Variants in ZC3H4 observed in about 807,000 individuals in gnomAD.
ZC3H4 encodes zinc finger CCCH domain-containing protein 4.
A neutral mutation model predicts 108.3 loss-of-function variants in ZC3H4; 13 were observed. That is an observed-to-expected ratio of 0.12 (90% CI 0.08 to 0.19). ZC3H4 has a LOEUF of 0.19. ZC3H4 is among the 10% of genes least tolerant of loss of function. The pLI is 1.00. For synonymous variants in ZC3H4, 917 were observed against 749.6 expected (o/e 1.22, Z -3.65); for missense variants, 1,734 against 1,838.8 (o/e 0.94, Z 1.04).
chr19:47,093,977 T>C lies in ZC3H4; in HGVS notation c.485A>G (p.Tyr162Cys). The part of the protein sequence containing the change: ...HRKYREYSPP[Y>C]APSHQQYPPS... ...TGCATGCCAGTCACTCACCGGCGCATATGGGGGGCTGTACTCTCTGTACTT... is the reference window on the plus strand; with the variant it reads ...TGCATGCCAGTCACTCACCGGCGCACATGGGGGGCTGTACTCTCTGTACTT... The change falls in exon 4 of 15, where the codon TAT (tyrosine) becomes TGT (cysteine). Residue 162 changes from tyrosine (Y) to cysteine (C), a missense_variant. Tyr to Cys is a radical substitution (Grantham distance 194, BLOSUM62 -2). This residue lies in a region of ZC3H4 where 403 missense variants were observed against 457.0 expected (regional missense o/e 0.88). Coordinates refer to ENST00000253048, the MANE Select transcript of ZC3H4 (RefSeq NM_015168.2). 1 of 1,612,636 alleles carries C rather than the reference T, an allele frequency of 6.2e-7. No individual in the cohort carries two copies. The highest frequency in any genetic ancestry group is 8.5e-7 in the Non-Finnish European group (1 of 1,178,848).
intron 2 of ZC3H4, among the ~76,000 whole-genome samples, chr19:47,110,216 TG>T (rs933400571): frequency 3.3e-5 from 5 of 149,440 alleles, no homozygotes; most frequent in Non-Finnish European, 7.4e-5. Flanking sequence ...TTTTGGGGAG[TG>T]GGGGGGAGGG....
intron 2 of ZC3H4, among the ~76,000 whole-genome samples, chr19:47,099,639 G>A (rs2057875183): frequency 6.6e-6 from 1 of 151,886 alleles, no homozygotes; most frequent in South Asian, 2.1e-4. Context: ...AATCTAGGCA[G>A]TACCAGAAGC....
chr19:47,077,717 C>T (rs1423709716), intron 11 of ZC3H4, among the ~76,000 whole-genome samples: 2 of 151,308 alleles, frequency 1.3e-5, no homozygotes, highest in African/African-American at 4.9e-5. Context: ...ATGAGCCGGG[C>T]GTGATGGCAC....
In ZC3H4 at chr19:47,094,547, T is replaced by C; in HGVS notation, c.223A>G (p.Thr75Ala). Residue 75 changes from threonine to alanine, a missense_variant, in exon 3 of 15, where the codon ACC (threonine) becomes GCC (alanine). Around this residue, in one of 9 missense-constraint regions of ZC3H4, gnomAD observed 403 missense variants for 457.0 expected, o/e 0.88. Transcript: ENST00000253048. Reference sequence around the variant, plus strand: ...CGGCTTCTCTCAGGCCCTCCGGAGGTATCCTGGGTCTCCTCTGCCCCATCA... The same window carrying C: ...CGGCTTCTCTCAGGCCCTCCGGAGGCATCCTGGGTCTCCTCTGCCCCATCA... ...EDDGAEETQDTSGGPERSRKE... is the reference protein window; with the variant it reads ...EDDGAEETQDASGGPERSRKE... 1 of 1,614,178 alleles carries C rather than the reference T, an allele frequency of 6.2e-7. No homozygotes were observed.
chr19:47,076,679 C>T (rs2057427234), intron 11 of ZC3H4, among the ~76,000 whole-genome samples: 1 of 151,966 alleles, frequency 6.6e-6, no homozygotes, highest in East Asian at 1.9e-4. Flanking sequence ...GATGGTGAAA[C>T]CTTATCTCTA....
chr19:47,099,421 T>C (rs2057871995), intron 2 of ZC3H4, among the ~76,000 whole-genome samples: 1 of 149,168 alleles, frequency 6.7e-6, no homozygotes, highest in African/African-American at 2.5e-5. Context: ...ATCACGCCAC[T>C]ACACTCCAGC....
rs760745997 is a variant in ZC3H4 at position 47,072,077 on chromosome 19, G to A, written c.1847C>T (p.Pro616Leu). ...GGPPGPMGPG[P>L]NMGPPGPMGG... ...CATTGGCCCTGGGGGTCCCATGTTG[G>A]GCCCAGGGCCCATTGGCCCTGGGGG... The change falls in exon 13 of 15, where the codon CCC becomes CTC. Residue 616 changes from proline (P) to leucine (L), a missense_variant. Transcript: ENST00000253048. The surrounding 1 kb of genome is among the most constrained non-coding windows in gnomAD (Gnocchi z 5.6). 18 of 1,564,804 alleles carry A rather than the reference G, an allele frequency of 1.2e-5. No individual in the cohort carries two copies. Among genetic ancestry groups the A allele is most frequent in the Non-Finnish European group, 1.5e-5 (17 of 1,158,048 alleles).
rs2057345302 is a variant in ZC3H4, at chr19:47,072,348, T to A, written c.1802+4A>T. On this transcript the variant is annotated splice_donor_region_variant and intron_variant, in intron 12 of 14. Transcript: ENST00000253048. The surrounding 1 kb of genome is among the most constrained non-coding windows in gnomAD (Gnocchi z 5.6). ...TGCCTGTCACGGGGGTCCAGGGCAC[T>A]CACCTCACACCCAGCTTCTCAGCCA... 6.2e-7 allele frequency: 1 copy of A among 1,612,012 alleles called. No individual in the cohort carries two copies. The highest frequency in any genetic ancestry group is 1.7e-5 in the Admixed American group (1 of 59,824).
chr19:47,081,459 A>G, intron 11 of ZC3H4, 54 bp downstream of exon 11: 2 of 1,370,386 alleles, frequency 1.5e-6, no homozygotes, highest in Non-Finnish European at 2.1e-6. Flanking sequence ...GAGGCAATGG[A>G]GTGCGCATGT....
At chr19:47,089,502 G>C (rs2057693667) in intron 5 of ZC3H4, among the ~76,000 whole-genome samples, 1 of 152,178 alleles carries the variant, frequency 6.6e-6, no homozygotes, top group Admixed American at 6.6e-5. Context: ...GGCCAGTCAG[G>C]GCTACCGTGT....
Position 47,065,559 on chromosome 19 carries a change from G to C in ZC3H4, c.*797C>G, listed in dbSNP as rs1003865903. 1.3e-5 allele frequency: 2 copies of C among 152,738 alleles called. No individual in the cohort carries two copies. Among genetic ancestry groups the C allele is most frequent in the Non-Finnish European group, 2.9e-5 (2 of 68,164 alleles). 9.5% of individuals were successfully genotyped at this position (152,738 alleles called of 1,614,324 possible). A position where few individuals can be genotyped will look rare whatever the true frequency, so the allele number is the denominator to read the frequency against. On this transcript the variant is annotated 3_prime_UTR_variant, in exon 15 of 15. Transcript: ENST00000253048. ...AGGTGGGGTAATACTGACAGAACGT[G>C]CGTGCTCCTAGGGGCTGCCTCCTAG...
At position 47,067,585 on chromosome 19, in the gene ZC3H4, C is replaced by T. The variant is rs148102372; in HGVS notation, c.2683G>A (p.Ala895Thr). The T allele has an allele frequency of 3.4e-4, 540 of 1,602,884 alleles. 2 individuals carry two copies. The African/African-American group carries it at 5.4e-3, about 16-fold the overall frequency. The part of the protein sequence containing the change: ...SGPSDPRLAR[A>T]LPTSKPEGSL... ...CCTTCGGGCTTGGAGGTGGGCAGGG[C>T]GCGAGCCAGCCGAGGATCGGAGGGT... The change falls in exon 15 of 15, where the codon GCC (alanine) becomes ACC (threonine). Residue 895 changes from alanine to threonine, a missense_variant. By Grantham distance (58) the Ala-to-Thr change is moderately conservative (BLOSUM62 0). Around this residue, in one of 9 missense-constraint regions of ZC3H4, gnomAD observed 540 missense variants for 484.1 expected, o/e 1.12. Transcript: ENST00000253048. This position sits in a 1 kb window ranked among gnomAD's most constrained non-coding sequence, Gnocchi z 6.4.
chr19:47,080,468 C>A (rs551538225), intron 11 of ZC3H4, among the ~76,000 whole-genome samples: 68 of 152,152 alleles, frequency 4.5e-4, no homozygotes, highest in Non-Finnish European at 9.0e-4. Flanking sequence ...AAAATACAAT[C>A]CTTGCCTCGT....
intron 4 of ZC3H4, among the ~76,000 whole-genome samples, chr19:47,090,459 G>A (rs2057712072): frequency 1.3e-5 from 2 of 152,184 alleles, no homozygotes; most frequent in Admixed American, 1.3e-4. Flanking sequence ...ATGAACAAAG[G>A]GGAGAAGAAG....
At chr19:47,093,818 T>C (rs2057776676) in intron 4 of ZC3H4, 152 bp downstream of exon 4, 4 of 564,536 alleles carry the variant, frequency 7.1e-6, no homozygotes, top group South Asian at 6.7e-5. Context: ...AAGTTTCAGT[T>C]TCCTCACTCA....
chr19:47,074,467 T>C (rs2057382264), intron 11 of ZC3H4, among the ~76,000 whole-genome samples: 1 of 152,074 alleles, frequency 6.6e-6, no homozygotes. Context: ...GTCTCATCAG[T>C]TAGGATAGCG....
At position 47,065,413 on chromosome 19, in the gene ZC3H4, C is replaced by T. The variant is rs2057179997; in HGVS notation, c.*943G>A. 1 of 153,054 alleles carries T rather than the reference C, an allele frequency of 6.5e-6. No homozygotes were observed. Among genetic ancestry groups the T allele is most frequent in the South Asian group, 2.1e-4 (1 of 4,844 alleles). The allele number at this position is 153,054 out of a possible 1,614,324, so 9.5% of individuals were successfully genotyped here. A position where few individuals can be genotyped will look rare whatever the true frequency, so the allele number is the denominator to read the frequency against. ...CATTGTTGGGGCCTGGCGGCGCAGC[C>T]ACTGCACGGATCCTGGAGCTGTCCG... On this transcript the variant is annotated 3_prime_UTR_variant, in exon 15 of 15. Transcript: ENST00000253048.
At position 47,067,224 on chromosome 19, in the gene ZC3H4, G is replaced by A; in HGVS notation, c.3044C>T (p.Ala1015Val). ...GGCGTTGGGGGGCCCTGCCGTGGCA[G>A]CGCGGTGCAGCCGGGGGTCCAGGGT... ...MPTLDPRLHRAATAGPPNARQ... is the reference protein window; with the variant it reads ...MPTLDPRLHRVATAGPPNARQ... The change falls in exon 15 of 15, where the codon GCT (alanine) becomes GTT (valine). Residue 1015 changes from alanine to valine, a missense_variant. Ala to Val is a moderately conservative substitution (Grantham distance 64). Coordinates refer to ENST00000253048, the MANE Select transcript of ZC3H4 (RefSeq NM_015168.2). The surrounding 1 kb of genome is among the most constrained non-coding windows in gnomAD (Gnocchi z 6.4). 3 of 1,607,462 alleles carry A rather than the reference G, an allele frequency of 1.9e-6. No individual in the cohort carries two copies. Among genetic ancestry groups the A allele is most frequent in the Non-Finnish European group, 2.5e-6 (3 of 1,177,030 alleles).
chr19:47,085,020 T>C, intron 8 of ZC3H4, 36 bp downstream of exon 8: 1 of 1,611,520 alleles, frequency 6.2e-7, no homozygotes, highest in Non-Finnish European at 8.5e-7. Flanking sequence ...GAAGGGACCT[T>C]GGCCCAAACA....
Sources: gnomAD v4.1 joint callset for allele counts (sites outside exome capture counted in the v4.1 genomes callset) on GRCh38, gnomAD v4.1.1 for gene constraint, gnomAD v4.1.1 regional missense constraint, Gnocchi (gnomAD v3.1) non-coding constraint, MANE v1.5 for transcripts, NCBI Gene and HGNC (gene_info 2026-07-23, HGNC 2026-07-21) for gene names.